The following SPAG17 variants were observed in gnomAD, a reference collection of about 807,000 sequenced individuals.
SPAG17 encodes the protein sperm associated antigen 17, also known as sperm-associated antigen 17.
A neutral mutation model predicts 273.6 loss-of-function variants in SPAG17; 169 were observed. That is an observed-to-expected ratio of 0.62 (90% CI 0.55 to 0.70). SPAG17 has a LOEUF of 0.70. SPAG17 is among the 30% of genes least tolerant of loss of function. SPAG17 has a pLI of 0.00. For synonymous variants in SPAG17, 825 were observed against 873.2 expected (o/e 0.94, Z 0.97); for missense variants, 2,557 against 2,627.8 (o/e 0.97, Z 0.59).
chr1:118,046,400 T>G (rs1049679567), intron 20 of SPAG17, among the ~76,000 whole-genome samples: 1 of 152,022 alleles, frequency 6.6e-6, no homozygotes, highest in African/African-American at 2.4e-5. Flanking sequence ...AATGTTTAAT[T>G]TGTAGCAACA....
chr1:118,013,122 T>A (rs558132560), intron 29 of SPAG17, among the ~76,000 whole-genome samples: 1 of 152,368 alleles, frequency 6.6e-6, no homozygotes, highest in East Asian at 1.9e-4. Flanking sequence ...CACCTCAGTG[T>A]TTGCTTCTGG....
intron 1 of SPAG17, among the ~76,000 whole-genome samples, chr1:118,163,803 C>A (rs558645478): frequency 5.9e-5 from 9 of 152,114 alleles, no homozygotes; most frequent in Non-Finnish European, 1.2e-4. Flanking sequence ...CCATAATGTC[C>A]TTAATCCCCA....
chr1:118,047,476 A>G (rs1307885437), intron 20 of SPAG17, among the ~76,000 whole-genome samples: 3 of 151,806 alleles, frequency 2.0e-5, no homozygotes, highest in Non-Finnish European at 4.4e-5. Flanking sequence ...GGCCCACCTC[A>G]GTGGTCGCGT....
chr1:118,001,047 G>T lies in SPAG17; in HGVS notation c.4777-4304C>A, dbSNP rs139888539. On this transcript the variant is annotated intron_variant, in intron 32 of 48. Coordinates refer to ENST00000336338, the MANE Select transcript of SPAG17 (RefSeq NM_206996.4). ...TTAGCATGAAGTGCTGTTGAATTTT[G>T]TTGAAGGCCTTTTCCGCATCTATTG... 4.2e-3 allele frequency among the ~76,000 whole-genome samples: 643 copies of T among 152,236 alleles called. 4 individuals carry two copies. The highest frequency in any genetic ancestry group is 0.015 in the African/African-American group (611 of 41,540).
At chr1:118,133,460 C>T (rs965704284) in intron 3 of SPAG17, among the ~76,000 whole-genome samples, 1 of 152,110 alleles carries the variant, frequency 6.6e-6, no homozygotes, top group Non-Finnish European at 1.5e-5. Context: ...GAAGATACTC[C>T]TAATCCCCAT....
At chr1:117,986,882 G>A (rs1334944766) in intron 40 of SPAG17, among the ~76,000 whole-genome samples, 1 of 152,142 alleles carries the variant, frequency 6.6e-6, no homozygotes, top group East Asian at 1.9e-4. Context: ...AACCTAGAAA[G>A]GATTTTCTGA....
In SPAG17 at chr1:118,115,409, A is replaced by G; in HGVS notation, c.348T>C (p.Ser116=). 6.2e-7 allele frequency: 1 copy of G among 1,613,688 alleles called. No individual in the cohort carries two copies. Among genetic ancestry groups the G allele is most frequent in the Non-Finnish European group, 8.5e-7 (1 of 1,179,692 alleles). ...VLTAAKAIMD[S]GEKLTLPLIG... is the part of the protein sequence containing the mutation. ...TCAGTGGTAAGGTTAATTTCTCTCC[A>G]CTATCCATAATTGCTTTTGCTGCCG... The change falls in exon 4 of 49, where the codon AGT becomes AGC. Residue 116 remains serine, a synonymous_variant. Coordinates refer to ENST00000336338, the MANE Select transcript of SPAG17 (RefSeq NM_206996.4).
intron 24 of SPAG17, among the ~76,000 whole-genome samples, chr1:118,033,939 T>C (rs1648769573): frequency 6.6e-6 from 1 of 152,210 alleles, no homozygotes; most frequent in African/African-American, 2.4e-5. Context: ...AAGACAGATA[T>C]TATTGCTCTA....
At chr1:118,106,301 C>T (rs182618675) in intron 4 of SPAG17, among the ~76,000 whole-genome samples, 3 of 152,264 alleles carry the variant, frequency 2.0e-5, no homozygotes, top group African/African-American at 4.8e-5. Flanking sequence ...GTCAAGTCTT[C>T]ACAATAACTA....
At chr1:118,044,472 A>G (rs1289445442) in intron 20 of SPAG17, among the ~76,000 whole-genome samples, 1 of 151,982 alleles carries the variant, frequency 6.6e-6, no homozygotes, top group Non-Finnish European at 1.5e-5. Context: ...GCAACAGAGC[A>G]AGACTCCATC....
chr1:118,066,916 T>C lies in SPAG17; in HGVS notation c.2386-17A>G. The stretch of plus-strand genomic sequence containing the variant: ...TTGAAGGACCTGAAAATCAAAATAA[T>C]TGCATTGTAGAATCTTTTTTATTTT... On this transcript the variant is annotated splice_polypyrimidine_tract_variant and intron_variant, in intron 17 of 48. Coordinates refer to ENST00000336338, the MANE Select transcript of SPAG17 (RefSeq NM_206996.4). The C allele has an allele frequency of 6.3e-7, 1 of 1,594,560 alleles. No homozygotes were observed. Among genetic ancestry groups the C allele is most frequent in the Non-Finnish European group, 8.5e-7 (1 of 1,174,056 alleles).
At chr1:118,142,833 G>A (rs1658755601) in intron 3 of SPAG17, among the ~76,000 whole-genome samples, 1 of 152,154 alleles carries the variant, frequency 6.6e-6, no homozygotes, top group African/African-American at 2.4e-5. Flanking sequence ...TAACCACTAG[G>A]TATATCGCTC....
intron 3 of SPAG17, among the ~76,000 whole-genome samples, chr1:118,117,760 C>T (rs1657176558): frequency 6.6e-6 from 1 of 152,232 alleles, no homozygotes; most frequent in African/African-American, 2.4e-5. Context: ...AAAGGCACAG[C>T]CTGCCCCTGG....
chr1:118,016,245 T>C (rs907027505), intron 28 of SPAG17, 63 bp from the exon 29 acceptor site: 2 of 1,311,034 alleles, frequency 1.5e-6, no homozygotes, highest in Admixed American at 1.8e-5. Flanking sequence ...ATATACATCA[T>C]TCACTATGTT....
At chr1:118,176,224 A>C (rs945741352) in intron 1 of SPAG17, among the ~76,000 whole-genome samples, 1 of 152,212 alleles carries the variant, frequency 6.6e-6, no homozygotes, top group Admixed American at 6.5e-5. Flanking sequence ...AAATGGCAGT[A>C]GTAAGTCCTT....
At chr1:118,078,441 CA>C (rs1401891517) in intron 15 of SPAG17, among the ~76,000 whole-genome samples, 14 of 152,208 alleles carry the variant, frequency 9.2e-5, no homozygotes, top group African/African-American at 3.4e-4. Context: ...TATCATTTAA[CA>C]AGCACAGCCT....
chr1:118,038,775 G>T (rs985425804), intron 23 of SPAG17, among the ~76,000 whole-genome samples: 2 of 152,084 alleles, frequency 1.3e-5, no homozygotes, highest in Admixed American at 1.3e-4. Flanking sequence ...AGGAAGGAGG[G>T]AGAGATGAAT....
intron 3 of SPAG17, among the ~76,000 whole-genome samples, chr1:118,148,137 C>T (rs2102341112): frequency 6.6e-6 from 1 of 152,264 alleles, no homozygotes; most frequent in South Asian, 2.1e-4. Context: ...TCTTCTCCCA[C>T]AGTGCAGAGT....
chr1:118,099,806 C>T lies in SPAG17; in HGVS notation c.635-6G>A, dbSNP rs142762104. 1.2e-6 allele frequency: 2 copies of T among 1,610,006 alleles called. No individual in the cohort carries two copies. The highest frequency in any genetic ancestry group is 1.7e-6 in the Non-Finnish European group (2 of 1,178,434). On this transcript the variant is annotated splice_polypyrimidine_tract_variant and splice_region_variant and intron_variant, in intron 5 of 48. Coordinates refer to ENST00000336338, the MANE Select transcript of SPAG17 (RefSeq NM_206996.4). The stretch of plus-strand genomic sequence containing the variant: ...ACCATCATCTGGCTCATCGTCTGTT[C>T]AAAATACCATAAAGAAGAGCAGCCA...
Sources: allele counts gnomAD v4.1 joint callset (sites outside exome capture counted in the v4.1 genomes callset), GRCh38; gene constraint gnomAD v4.1.1; transcripts MANE v1.5; gene names NCBI Gene and HGNC (gene_info 2026-07-23, HGNC 2026-07-21).